Variants in TPO observed in about 807,000 individuals in gnomAD.
TPO encodes the protein thyroid peroxidase.
TPO carries 78 observed loss-of-function variants against 96.9 expected under a neutral mutation model. The ratio of observed to expected loss-of-function variants is 0.81; its 90% CI spans 0.67 to 0.97. The LOEUF (loss-of-function observed/expected upper bound fraction) is 0.97. Ranked by LOEUF, TPO falls within the 50% of genes least tolerant of loss-of-function variation. The pLI is 0.00. For missense variants in TPO, 1,252 were observed against 1,274.8 expected, an observed-to-expected ratio of 0.98 and a Z score of 0.27; for synonymous variants, 547 against 538.0, an observed-to-expected ratio of 1.02 and a Z score of -0.23.
chr2:1,540,926 G>GAAGATGCCTTC, intron 16 of TPO: 1 of 1,536,130 alleles, frequency 6.5e-7, no homozygotes, highest in Non-Finnish European at 8.8e-7. Context: ...TGAGAGGAAT[G>GAAGATGCCTTC]AAGATGCCTT....
At chr2:1,396,588 A>C (rs1362000710) in intron 1 of TPO, among the ~76,000 whole-genome samples, 3 of 152,184 alleles carry the variant, frequency 2.0e-5, no homozygotes, top group Admixed American at 1.3e-4. Context: ...CCACATAAAC[A>C]TGGAGGGAAA....
At chr2:1,537,514 C>CCCTGCAT (rs1680070341) in intron 15 of TPO, among the ~76,000 whole-genome samples, 1 of 45,150 alleles carries the variant, frequency 2.2e-5, no homozygotes, top group Non-Finnish European at 3.7e-5. Flanking sequence ...CCCCCCAACT[C>CCCTGCAT]TGTGCAACCT....
In TPO at chr2:1,493,926, C is replaced by G. The variant is rs1672063046; in HGVS notation, c.1893C>G (p.Asn631Lys). The part of the protein sequence containing the change: ...KILDLYKHPD[N>K]IDVWLGGLAE... Reference sequence around the variant, plus strand: ...TGGACTTGTACAAGCATCCTGACAACATCGATGTCTGGCTGGGAGGCTTAG... The same window carrying G: ...TGGACTTGTACAAGCATCCTGACAAGATCGATGTCTGGCTGGGAGGCTTAG... Residue 631 changes from asparagine to lysine, a missense_variant, in exon 11 of 17, where the codon AAC (asparagine) becomes AAG (lysine). Transcript: ENST00000329066. The G allele has an allele frequency of 6.2e-7, 1 of 1,614,116 alleles. No homozygotes were observed. Among genetic ancestry groups the G allele is most frequent in the African/African-American group, 1.3e-5 (1 of 74,946 alleles).
chr2:1,521,285 C>T (rs913661134), intron 15 of TPO, among the ~76,000 whole-genome samples: 7 of 152,196 alleles, frequency 4.6e-5, no homozygotes, highest in African/African-American at 1.2e-4. Flanking sequence ...CACCTTCCCA[C>T]GCTGTGAGCT....
intron 1 of TPO, among the ~76,000 whole-genome samples, chr2:1,387,069 G>T (rs1358213470): frequency 6.6e-6 from 1 of 152,184 alleles, no homozygotes; most frequent in Non-Finnish European, 1.5e-5. Flanking sequence ...TAGAGTTTCT[G>T]CCAAGAGATC....
chr2:1,504,006 A>G lies in TPO; in HGVS notation c.2445A>G (p.Arg815=). 6.2e-7 allele frequency: 1 copy of G among 1,614,232 alleles called. No individual in the cohort carries two copies. The highest frequency in any genetic ancestry group is 8.5e-7 in the Non-Finnish European group (1 of 1,180,044). ...HPPCHASARC[R]NTKGGFQCLC... ...CCTGCCACGCCTCTGCGAGGTGCAGAAACACCAAAGGCGGCTTCCAGTGTC... is the reference window on the plus strand; with the variant it reads ...CCTGCCACGCCTCTGCGAGGTGCAGGAACACCAAAGGCGGCTTCCAGTGTC... Residue 815 remains arginine, a synonymous_variant, in exon 14 of 17, where the codon AGA becomes AGG. Coordinates refer to ENST00000329066, the MANE Select transcript of TPO (RefSeq NM_001206744.2).
At chr2:1,533,981 C>T (rs2125275308) in intron 15 of TPO, among the ~76,000 whole-genome samples, 1 of 104,280 alleles carries the variant, frequency 9.6e-6, no homozygotes, top group Non-Finnish European at 2.0e-5. Flanking sequence ...TGCAACCTCC[C>T]CAAATCCCCA....
chr2:1,510,425 C>T (rs755520935), intron 14 of TPO, among the ~76,000 whole-genome samples: 1 of 152,084 alleles, frequency 6.6e-6, no homozygotes, highest in Non-Finnish European at 1.5e-5. Context: ...TCCATGGGGC[C>T]CCAGGAAACA....
chr2:1,502,597 C>A (rs964689562), intron 13 of TPO, among the ~76,000 whole-genome samples: 3 of 152,060 alleles, frequency 2.0e-5, no homozygotes, highest in Admixed American at 1.3e-4. Flanking sequence ...ACCATGTTGG[C>A]CAGGCTGGGC....
intron 1 of TPO, among the ~76,000 whole-genome samples, chr2:1,398,069 T>A (rs1662111422): frequency 6.6e-6 from 1 of 152,166 alleles, no homozygotes. Context: ...TTCCAGACAG[T>A]GAAGGAAAAT....
intron 1 of TPO, among the ~76,000 whole-genome samples, chr2:1,390,805 T>C (rs1161132872): frequency 6.6e-6 from 1 of 152,254 alleles, no homozygotes; most frequent in Non-Finnish European, 1.5e-5. Flanking sequence ...CATCTTTTCA[T>C]GTGTCTGTTG....
At chr2:1,387,132 G>T (rs1381530382) in intron 1 of TPO, among the ~76,000 whole-genome samples, 1 of 152,110 alleles carries the variant, frequency 6.6e-6, no homozygotes, top group Non-Finnish European at 1.5e-5. Flanking sequence ...TTTCTCTCTG[G>T]CTGCCCTTAA....
chr2:1,534,146 C>T (rs1678980696), intron 15 of TPO, among the ~76,000 whole-genome samples: 1 of 54,560 alleles, frequency 1.8e-5, no homozygotes, highest in Admixed American at 2.4e-4. Flanking sequence ...CAACTGTTTG[C>T]AACCTCCCAA....
intron 10 of TPO, among the ~76,000 whole-genome samples, chr2:1,492,621 CA>C (rs1671881226): frequency 6.6e-6 from 1 of 152,308 alleles, no homozygotes; most frequent in East Asian, 1.9e-4. Flanking sequence ...CTATTTCTCC[CA>C]GTTCTGTTTG....
chr2:1,530,144 C>T (rs1395647669), intron 15 of TPO, among the ~76,000 whole-genome samples: 3 of 104,840 alleles, frequency 2.9e-5, no homozygotes, highest in Non-Finnish European at 5.6e-5. Flanking sequence ...CGCAAAATCT[C>T]CCCCACTATG....
At chr2:1,498,671 G>A (rs1228620143) in intron 13 of TPO, among the ~76,000 whole-genome samples, 2 of 152,204 alleles carry the variant, frequency 1.3e-5, no homozygotes, top group Non-Finnish European at 2.9e-5. Flanking sequence ...AGACCAGGAT[G>A]TTTCTCCCAG....
At chr2:1,511,217 G>A (rs964725926) in intron 14 of TPO, among the ~76,000 whole-genome samples, 207 of 148,646 alleles carry the variant, frequency 1.4e-3, no homozygotes, top group African/African-American at 4.9e-3. Flanking sequence ...CAGACTGGGG[G>A]TGCCACAGCA....
chr2:1,433,618 C>T lies in TPO; in HGVS notation c.349+11C>T. On this transcript the variant is annotated intron_variant, in intron 4 of 16. Transcript: ENST00000329066. ...CACAGCATCCAACGGGTAATGTGTG[C>T]CCCTCTCCCCACTGAGGAGCGGCAA... 1.9e-6 allele frequency: 3 copies of T among 1,612,514 alleles called. No individual in the cohort carries two copies. Among genetic ancestry groups the T allele is most frequent in the East Asian group, 2.2e-5 (1 of 44,828 alleles).
intron 12 of TPO, 77 bp downstream of exon 12, chr2:1,496,274 G>A (rs1325931937): frequency 7.4e-7 from 1 of 1,344,732 alleles, no homozygotes; most frequent in African/African-American, 1.5e-5. Flanking sequence ...CCCAGGAGCT[G>A]ATTTTAACTT....
Sources: allele counts gnomAD v4.1 joint callset (sites outside exome capture counted in the v4.1 genomes callset), GRCh38; gene constraint gnomAD v4.1.1; transcripts MANE v1.5; gene names NCBI Gene and HGNC (gene_info 2026-07-23, HGNC 2026-07-21).